NTM: variants seen among roughly 807,000 people sequenced by gnomAD.
NTM encodes the protein IgLON family member 2.
NTM carries 13 observed loss-of-function variants against 42.1 expected under a neutral mutation model. That is an observed-to-expected ratio of 0.31 (90% CI 0.20 to 0.49). The LOEUF is 0.49. Among genes scored for constraint, NTM ranks in the 20% least tolerant of loss-of-function variants. NTM has a pLI of 0.99. For missense variants in NTM, 373 were observed against 452.8 expected, an observed-to-expected ratio of 0.82 and a Z score of 1.60; for synonymous variants, 187 against 179.2, an observed-to-expected ratio of 1.04 and a Z score of -0.35.
chr11:131,467,830 T>C (rs925590367), intron 1 of NTM, among the ~76,000 whole-genome samples: 2 of 152,226 alleles, frequency 1.3e-5, no homozygotes, highest in Non-Finnish European at 2.9e-5. Flanking sequence ...ACCTGGGAAG[T>C]TTCCAGAGAG....
At chr11:132,134,759 A>ATC (rs2067552522) in intron 2 of NTM, among the ~76,000 whole-genome samples, 6 of 94,398 alleles carry the variant, frequency 6.4e-5, no homozygotes, top group Non-Finnish European at 8.4e-5. Context: ...ATATATATAT[A>ATC]TCTCACATTT....
At chr11:132,068,479 C>G (rs1429852091) in intron 2 of NTM, among the ~76,000 whole-genome samples, 1 of 152,134 alleles carries the variant, frequency 6.6e-6, no homozygotes, top group East Asian at 1.9e-4. Flanking sequence ...TAATTTTTTT[C>G]TGAGACCTCA....
intron 1 of NTM, among the ~76,000 whole-genome samples, chr11:131,510,610 CT>C (rs1565582360): frequency 6.6e-6 from 1 of 152,214 alleles, no homozygotes. Context: ...CAATTTCTAT[CT>C]ATCATATCAC....
At chr11:132,154,143 T>C (rs1167230551) in intron 3 of NTM, among the ~76,000 whole-genome samples, 2 of 152,136 alleles carry the variant, frequency 1.3e-5, no homozygotes, top group Non-Finnish European at 2.9e-5. Flanking sequence ...GCTAGAAAGG[T>C]AGGCTGCATC....
At chr11:131,481,816 T>TA (rs1052949408) in intron 1 of NTM, among the ~76,000 whole-genome samples, 3 of 152,092 alleles carry the variant, frequency 2.0e-5, no homozygotes, top group Admixed American at 1.3e-4. Context: ...AATTAAAAAA[T>TA]AAAAAATCCT....
intron 1 of NTM, among the ~76,000 whole-genome samples, chr11:131,736,472 C>A (rs967200011): frequency 6.6e-6 from 1 of 152,196 alleles, no homozygotes; most frequent in Non-Finnish European, 1.5e-5. Flanking sequence ...TCTCCACTTA[C>A]AAAGCTCTGT....
At chr11:132,198,255 G>T (rs922439313) in intron 3 of NTM, among the ~76,000 whole-genome samples, 2 of 151,088 alleles carry the variant, frequency 1.3e-5, no homozygotes, top group Non-Finnish European at 3.0e-5. Context: ...GCCCTTGCTG[G>T]GGTGCAGTGG....
intron 1 of NTM, among the ~76,000 whole-genome samples, chr11:131,641,460 C>G (rs939153931): frequency 4.6e-5 from 7 of 152,154 alleles, no homozygotes; most frequent in Non-Finnish European, 7.3e-5. Context: ...GAGCTGCGAC[C>G]TACCTCTACG....
intron 2 of NTM, among the ~76,000 whole-genome samples, chr11:131,987,628 G>A (rs2066294560): frequency 6.6e-6 from 1 of 152,174 alleles, no homozygotes; most frequent in Non-Finnish European, 1.5e-5. Flanking sequence ...GACAGTATTT[G>A]AGGTAGGCCT....
chr11:131,499,804 G>A (rs552401890), intron 1 of NTM, among the ~76,000 whole-genome samples: 8 of 152,296 alleles, frequency 5.3e-5, no homozygotes, highest in Non-Finnish European at 1.0e-4. Context: ...CCCTTCACCC[G>A]CGTCAATGCG....
chr11:131,717,687 A>G (rs2077863173), intron 1 of NTM, among the ~76,000 whole-genome samples: 1 of 152,196 alleles, frequency 6.6e-6, no homozygotes, highest in Admixed American at 6.5e-5. Context: ...CTTCCTTTCC[A>G]GCATGAATGC....
intron 4 of NTM, among the ~76,000 whole-genome samples, chr11:132,292,787 TAAAAAA>T (rs61603794): frequency 2.1e-4 from 12 of 56,570 alleles, no homozygotes; most frequent in Admixed American, 1.8e-3. Context: ...GATGTAAAAG[TAAAAAA>T]AAAAAAAAAA....
At chr11:132,294,784 T>C (rs1238728367) in intron 4 of NTM, among the ~76,000 whole-genome samples, 3 of 152,174 alleles carry the variant, frequency 2.0e-5, no homozygotes, top group African/African-American at 7.2e-5. Flanking sequence ...ATCTCACTCC[T>C]TGCAATCATT....
At chr11:131,998,256 C>T (rs1360604432) in intron 2 of NTM, among the ~76,000 whole-genome samples, 1 of 152,144 alleles carries the variant, frequency 6.6e-6, no homozygotes, top group Non-Finnish European at 1.5e-5. Flanking sequence ...TTTATGGGGA[C>T]TCGTAAAAGC....
intron 7 of NTM, among the ~76,000 whole-genome samples, chr11:132,321,143 C>A: frequency 6.6e-6 from 1 of 152,162 alleles, no homozygotes; most frequent in East Asian, 1.9e-4. Flanking sequence ...AGGAATGCAG[C>A]TCCTCACCAG....
intron 2 of NTM, among the ~76,000 whole-genome samples, chr11:132,078,223 C>G (rs181560141): frequency 5.8e-4 from 88 of 152,336 alleles, no homozygotes; most frequent in African/African-American, 1.9e-3. Flanking sequence ...GGCTTAGTTT[C>G]TCAAGGATTC....
intron 1 of NTM, among the ~76,000 whole-genome samples, chr11:131,435,823 G>A (rs2135942635): frequency 6.6e-6 from 1 of 152,270 alleles, no homozygotes; most frequent in African/African-American, 2.4e-5. Context: ...CCAGCACTAT[G>A]TTGAATAGGA....
intron 5 of NTM, among the ~76,000 whole-genome samples, chr11:132,308,193 C>T (rs998257881): frequency 2.0e-5 from 3 of 152,136 alleles, no homozygotes; most frequent in African/African-American, 7.2e-5. Flanking sequence ...ACTGTCTAGA[C>T]CAGACATCTC....
intron 2 of NTM, among the ~76,000 whole-genome samples, chr11:132,140,640 G>T (rs1035042340): frequency 6.6e-6 from 1 of 152,208 alleles, no homozygotes; most frequent in East Asian, 1.9e-4. Flanking sequence ...GGAGTAAGGT[G>T]CTAGCTGATA....
Sources: allele counts gnomAD v4.1 joint callset (sites outside exome capture counted in the v4.1 genomes callset), GRCh38; gene constraint gnomAD v4.1.1; transcripts MANE v1.5; gene names NCBI Gene and HGNC (gene_info 2026-07-23, HGNC 2026-07-21).